The following PHLDB3 variants were observed in gnomAD, a reference collection of about 807,000 sequenced individuals.
PHLDB3 encodes pleckstrin homology-like domain family B member 3.
A neutral mutation model predicts 85.7 loss-of-function variants in PHLDB3; 86 were observed. The observed-to-expected ratio is 1.00, with a 90% confidence interval of 0.84 to 1.20. PHLDB3 has a LOEUF of 1.20. Among genes scored for constraint, PHLDB3 ranks in the 50% most tolerant of loss-of-function variants. The pLI is 0.00. For missense variants in PHLDB3, 995 were observed against 873.0 expected (o/e 1.14, Z -1.76); for synonymous variants, 376 against 349.8 (o/e 1.07, Z -0.83).
chr19:43,487,432 G>T (rs535176393), intron 9 of PHLDB3, among the ~76,000 whole-genome samples: 2 of 151,646 alleles, frequency 1.3e-5, no homozygotes, highest in Non-Finnish European at 2.9e-5. Context: ...GAAATTAGCC[G>T]GGCATGGTGG....
Position 43,475,443 on chromosome 19 carries a change from G to A in PHLDB3, c.1890C>T (p.Ile630=), listed in dbSNP as rs755949612. 6.2e-7 allele frequency: 1 copy of A among 1,613,834 alleles called. No individual in the cohort carries two copies. Among genetic ancestry groups the A allele is most frequent in the Non-Finnish European group, 8.5e-7 (1 of 1,179,870 alleles). Residue 630 remains isoleucine, a synonymous_variant, in exon 16 of 16, where the codon ATC becomes ATT. Transcript: ENST00000292140. ...PEAMRIWMDV[I]VTAADENHAP The stretch of plus-strand genomic sequence containing the variant: ...CGTGGTTTTCGTCAGCGGCGGTCAC[G>A]ATGACGTCCATCCAAATGCGCATGG...
rs759594708 is a variant in PHLDB3 at position 43,479,395 on chromosome 19, G to A, written c.1684C>T (p.Arg562Cys). The part of the protein sequence containing the change: ...RWFCFDRQAR[R>C]LAYYADKEET... Reference sequence around the variant, plus strand: ...GGCTTACCCGCATAGTAGGCCAAGCGGCGGGCTTGGCGGTCAAAGCAGAAC... The same window carrying A: ...GGCTTACCCGCATAGTAGGCCAAGCAGCGGGCTTGGCGGTCAAAGCAGAAC... Residue 562 changes from arginine (R) to cysteine (C), a missense_variant, in exon 14 of 16, where the codon CGC (arginine) becomes TGC (cysteine). By Grantham distance (180) the Arg-to-Cys change is radical (BLOSUM62 -3). Coordinates refer to ENST00000292140, the MANE Select transcript of PHLDB3 (RefSeq NM_198850.4). The A allele has an allele frequency of 1.4e-5, 22 of 1,561,418 alleles. No homozygotes were observed. The highest frequency in any genetic ancestry group is 9.6e-5 in the East Asian group (4 of 41,500).
At chr19:43,484,736 G>C (rs1971117595) in intron 13 of PHLDB3, among the ~76,000 whole-genome samples, 1 of 152,112 alleles carries the variant, frequency 6.6e-6, no homozygotes, top group Non-Finnish European at 1.5e-5. Flanking sequence ...CTATCTATTG[G>C]AGATACACAG....
intron 9 of PHLDB3, among the ~76,000 whole-genome samples, chr19:43,494,323 TA>T (rs1408717785): frequency 6.6e-6 from 1 of 152,026 alleles, no homozygotes; most frequent in Non-Finnish European, 1.5e-5. Flanking sequence ...GTTTTAACTA[TA>T]AATGAGCTGC....
At position 43,479,575 on chromosome 19, in the gene PHLDB3, GGGGTGGGGT is replaced by G; in HGVS notation, c.1495_1503del (p.Thr499_Pro501del). 1.4e-5 allele frequency: 22 copies of G among 1,518,152 alleles called. No homozygotes were observed. Among genetic ancestry groups the G allele is most frequent in the Non-Finnish European group, 1.8e-5 (20 of 1,119,886 alleles). 94.0% of individuals were successfully genotyped at this position (1,518,152 alleles called of 1,614,324 possible). A position where few individuals can be genotyped will look rare whatever the true frequency, so the allele number is the denominator to read the frequency against. On this transcript the variant is annotated inframe_deletion, in exon 14 of 16. Coordinates refer to ENST00000292140, the MANE Select transcript of PHLDB3 (RefSeq NM_198850.4). ...TCCAAGATTCGCGGGCCTGGAGGGT[GGGGTGGGGT>G]GGGTGGGGCCTGGGGAGCAAAGAGA... is the stretch of plus-strand genomic sequence containing the variant.
chr19:43,502,321 C>T lies in PHLDB3; in HGVS notation c.214-38G>A, dbSNP rs536777875. On this transcript the variant is annotated intron_variant, in intron 2 of 15. Coordinates refer to ENST00000292140, the MANE Select transcript of PHLDB3 (RefSeq NM_198850.4). ...GGGGCGTGGTTAAGTGGAGATGCCT[C>T]GCCCCCTGCAATCACTAAGTAGGTC... 7.2e-6 allele frequency: 11 copies of T among 1,521,086 alleles called. No homozygotes were observed. The East Asian group carries it at 2.2e-4, about 31-fold the overall frequency. The allele number at this position is 1,521,086 out of a possible 1,614,324, so 94.2% of individuals were successfully genotyped here. A position where few individuals can be genotyped will look rare whatever the true frequency, so the allele number is the denominator to read the frequency against.
rs573550545 is a variant in PHLDB3, at chr19:43,494,677, G to A, written c.1149+25C>T. ...CTCACTGACCAATAAGATATATGGG[G>A]AAACAGAGGCCGTGGGGGAGGCACC... On this transcript the variant is annotated intron_variant, in intron 9 of 15. Coordinates refer to ENST00000292140, the MANE Select transcript of PHLDB3 (RefSeq NM_198850.4). 5.1e-6 allele frequency: 8 copies of A among 1,556,476 alleles called. No individual in the cohort carries two copies. The East Asian group carries it at 1.6e-4, about 31-fold the overall frequency.
chr19:43,479,480 G>T lies in PHLDB3; in HGVS notation c.1599C>A (p.Cys533Ter). ...ENCPHVQVSG[C>*]CCRGPLVKMG... The stretch of plus-strand genomic sequence containing the variant: ...TCTTCACCAGGGGTCCACGGCAGCA[G>T]CACCCAGACACCTGCACATGTGGGC... Residue 533 changes from cysteine to a stop codon, truncating the protein, a stop_gained, in exon 14 of 16, where the codon TGC (cysteine) becomes TGA (stop). Transcript: ENST00000292140. LOFTEE classifies it high-confidence loss of function. 1 of 1,527,224 alleles carries T rather than the reference G, an allele frequency of 6.5e-7. No individual in the cohort carries two copies. Among genetic ancestry groups the T allele is most frequent in the Non-Finnish European group, 8.8e-7 (1 of 1,131,796 alleles). 94.6% of individuals were successfully genotyped at this position (1,527,224 alleles called of 1,614,324 possible). A position where few individuals can be genotyped will look rare whatever the true frequency, so the allele number is the denominator to read the frequency against.
At position 43,479,417 on chromosome 19, in the gene PHLDB3, G is replaced by C; in HGVS notation, c.1662C>G (p.Phe554Leu). The C allele has an allele frequency of 6.4e-7, 1 of 1,565,594 alleles. No homozygotes were observed. Reference protein sequence around the residue: ...GRIKTWRKRWFCFDRQARRLA... With the variant: ...GRIKTWRKRWLCFDRQARRLA... ...AGCGGCGGGCTTGGCGGTCAAAGCA[G>C]AACCATCGCTTCCTCCAGGTCTTGA... Residue 554 changes from phenylalanine (F) to leucine (L), a missense_variant, in exon 14 of 16, where the codon TTC (phenylalanine) becomes TTG (leucine). By Grantham distance (22) the Phe-to-Leu change is conservative. Coordinates refer to ENST00000292140, the MANE Select transcript of PHLDB3 (RefSeq NM_198850.4).
At chr19:43,475,597 C>A in intron 15 of PHLDB3, 53 bp from the exon 16 acceptor site, 1 of 1,609,270 alleles carries the variant, frequency 6.2e-7, no homozygotes, top group East Asian at 2.2e-5. Flanking sequence ...CGGCCACAGT[C>A]TGGGTGCGAA....
intron 13 of PHLDB3, 65 bp from the exon 14 acceptor site, chr19:43,479,658 C>T (rs1488741080): frequency 3.1e-5 from 37 of 1,177,744 alleles, no homozygotes; most frequent in African/African-American, 4.6e-5. Context: ...TGGAGCCCCT[C>T]GAGGGGAGCA....
intron 9 of PHLDB3, among the ~76,000 whole-genome samples, chr19:43,487,644 G>A (rs1971211324): frequency 6.6e-6 from 1 of 151,120 alleles, no homozygotes. Context: ...ACATAGAAAT[G>A]GGAAGTAGAA....
rs1167897767 is a variant in PHLDB3, at chr19:43,487,591, A to AAAAAAAAAAAAAAAAAAAAAAAAAAAC, written c.1150-469_1150-468insGTTTTTTTTTTTTTTTTTTTTTTTTTT. On this transcript the variant is annotated intron_variant, in intron 9 of 15. Transcript: ENST00000292140. ...CTCTGTCTCAAAAAAAAAAAAAAAA[A>AAAAAAAAAAAAAAAAAAAAAAAAAAAC]ACACAGAAAAGAAAAAAAGAAATGT... Among the ~76,000 whole-genome samples the AAAAAAAAAAAAAAAAAAAAAAAAAAAC allele has an allele frequency of 2.5e-3, 289 of 115,576 alleles. 32 individuals are homozygous for AAAAAAAAAAAAAAAAAAAAAAAAAAAC. Among genetic ancestry groups the AAAAAAAAAAAAAAAAAAAAAAAAAAAC allele is most frequent in the Non-Finnish European group, 3.8e-3 (197 of 51,314 alleles). The allele number at this position is 115,576 out of a possible 152,430, so 75.8% of individuals were successfully genotyped here.
In PHLDB3 at chr19:43,495,579, C is replaced by T. The variant is rs752524196; in HGVS notation, c.867G>A (p.Gln289=). The change falls in exon 7 of 16, where the codon CAG becomes CAA. Residue 289 remains glutamine (Q), a synonymous_variant. Transcript: ENST00000292140. ...LQHRIRVLEE[Q]LKSLGEQMAA... ...CCATCTGCTCCCCCAGTGACTTGAG[C>T]TGCTCTTCCAGGACCCGGATCCGGT... 2.7e-5 allele frequency: 44 copies of T among 1,610,592 alleles called. No homozygotes were observed. The highest frequency in any genetic ancestry group is 3.6e-5 in the Non-Finnish European group (42 of 1,178,556).
chr19:43,500,909 A>ACCCCCCCCCCCCCCCCCCCCCCCC (rs1248570317), intron 4 of PHLDB3, among the ~76,000 whole-genome samples: 4 of 17,148 alleles, frequency 2.3e-4, no homozygotes, highest in African/African-American at 5.3e-4. Flanking sequence ...CGCCCCCCGT[A>ACCCCCCCCCCCCCCCCCCCCCCCC]CCCCCCCCCC....
chr19:43,495,830 A>G (rs1298106494), intron 6 of PHLDB3: 1 of 603,880 alleles, frequency 1.7e-6, no homozygotes, highest in Non-Finnish European at 2.8e-6. Context: ...ATGAAGAGAA[A>G]GGGATGGACA....
At chr19:43,494,641 G>T in intron 9 of PHLDB3, 61 bp downstream of exon 9, 1 of 1,350,688 alleles carries the variant, frequency 7.4e-7, no homozygotes, top group Non-Finnish European at 1.0e-6. Context: ...TCTGCTGTTA[G>T]CCCCTCCCTC....
chr19:43,498,219 G>A (rs1971510375), intron 4 of PHLDB3, among the ~76,000 whole-genome samples: 1 of 152,094 alleles, frequency 6.6e-6, no homozygotes, highest in Non-Finnish European at 1.5e-5. Context: ...CACGCCTGTA[G>A]TTCCAGCTAC....
Position 43,486,818 on chromosome 19 carries a change from G to T in PHLDB3, c.1302C>A (p.Tyr434Ter), listed in dbSNP as rs532675410. ...LPPAVGDSGR[Y>*]PLYQLLNCGR... The stretch of plus-strand genomic sequence containing the variant: ...CACAGTTCAGCAGCTGGTAGAGGGG[G>T]TATCTGCCGGAGTCCCCCACTGCTG... The change falls in exon 11 of 16, where the codon TAC becomes TAA. Residue 434 changes from tyrosine (Y) to a stop codon, truncating the protein, a stop_gained. Transcript: ENST00000292140. LOFTEE classifies it high-confidence loss of function. 2.3e-5 allele frequency: 37 copies of T among 1,589,942 alleles called. No individual in the cohort carries two copies. The highest frequency in any genetic ancestry group is 1.9e-5 in the Non-Finnish European group (22 of 1,166,456).
Sources: gnomAD v4.1 joint callset for allele counts (sites outside exome capture counted in the v4.1 genomes callset) on GRCh38, gnomAD v4.1.1 for gene constraint, MANE v1.5 for transcripts, NCBI Gene and HGNC (gene_info 2026-07-23, HGNC 2026-07-21) for gene names.